Variants in WDR25 observed in about 807,000 individuals in gnomAD.
The protein encoded by WDR25 is WD repeat-containing protein 25.
A neutral mutation model predicts 47.7 loss-of-function variants in WDR25; 35 were observed. The observed-to-expected ratio is 0.73, with a 90% CI of 0.56 to 0.97. The LOEUF (loss-of-function observed/expected upper bound fraction) is 0.97, where lower values mean the gene tolerates loss of function less well. WDR25 is among the 50% of genes least tolerant of loss of function. WDR25 has a pLI of 0.00. For missense variants in WDR25, 634 were observed against 704.7 expected (o/e 0.90, Z 1.14); for synonymous variants, 248 against 278.9 (o/e 0.89, Z 1.10).
intron 2 of WDR25, among the ~76,000 whole-genome samples, chr14:100,448,436 C>T (rs1898912031): frequency 6.6e-6 from 1 of 152,100 alleles, no homozygotes; most frequent in African/African-American, 2.4e-5. Context: ...CACCTGGGCC[C>T]CAGGTGAGAA....
rs558805195 is a variant in WDR25, at chr14:100,427,997, C to G, written c.823-40024C>G. Among the ~76,000 whole-genome samples the G allele has an allele frequency of 8.5e-5, 13 of 152,348 alleles. No homozygotes were observed. The East Asian group carries it at 2.5e-3, about 29-fold the overall frequency. On this transcript the variant is annotated intron_variant, in intron 2 of 6. Transcript: ENST00000402312. The stretch of plus-strand genomic sequence containing the variant: ...CGACTGCCGTGCCCTCAGGCTGAGG[C>G]TCCTTCTACGAGGCTGGAAGCCTTT...
chr14:100,485,127 C>T (rs1463068283), intron 4 of WDR25, among the ~76,000 whole-genome samples: 4 of 152,154 alleles, frequency 2.6e-5, no homozygotes, highest in Non-Finnish European at 4.4e-5. Context: ...GCCTTTGCAC[C>T]TGCTGCTCCC....
chr14:100,493,817 A>C (rs1324826647), intron 4 of WDR25, among the ~76,000 whole-genome samples: 2 of 152,160 alleles, frequency 1.3e-5, no homozygotes, highest in Non-Finnish European at 2.9e-5. Flanking sequence ...ATTGGGTGGT[A>C]ATTAGGACAT....
At position 100,530,243 on chromosome 14, in the gene WDR25, G is replaced by A. The variant is rs970776178; in HGVS notation, c.*202G>A. ...AGGACTACACTAGTGAAAGCGCCTG[G>A]CGGGCAGCCGGCGATGCCCAATAAA... is the stretch of plus-strand genomic sequence containing the variant. On this transcript the variant is annotated 3_prime_UTR_variant, in exon 7 of 7. Transcript: ENST00000402312. The A allele has an allele frequency of 6.9e-5, 40 of 579,310 alleles. No individual in the cohort carries two copies. Among genetic ancestry groups the A allele is most frequent in the Non-Finnish European group, 2.1e-5 (7 of 334,790 alleles). The allele number at this position is 579,310 out of a possible 1,614,324, so 35.9% of individuals were successfully genotyped here.
chr14:100,480,052 G>A (rs570451065), intron 3 of WDR25, among the ~76,000 whole-genome samples: 3 of 152,250 alleles, frequency 2.0e-5, no homozygotes, highest in South Asian at 2.1e-4. Flanking sequence ...GGACTGCTTC[G>A]TATCAATTCC....
intron 2 of WDR25, among the ~76,000 whole-genome samples, chr14:100,440,000 A>G (rs930791196): frequency 2.0e-5 from 3 of 152,206 alleles, no homozygotes; most frequent in African/African-American, 7.2e-5. Flanking sequence ...GTTCAGGTCC[A>G]CTTGTCAAGG....
At chr14:100,461,830 G>A (rs1175918794) in intron 2 of WDR25, among the ~76,000 whole-genome samples, 1 of 152,136 alleles carries the variant, frequency 6.6e-6, no homozygotes, top group Admixed American at 6.5e-5. Context: ...CACGAGGGAG[G>A]CGAAGGCTTA....
intron 4 of WDR25, among the ~76,000 whole-genome samples, chr14:100,509,176 AT>A (rs1449372042): frequency 6.6e-6 from 1 of 152,220 alleles, no homozygotes; most frequent in Admixed American, 6.5e-5. Flanking sequence ...GTTTGATAGA[AT>A]TCAGCAGTGA....
rs150204381 is a variant in WDR25, at chr14:100,408,839, T to G, written c.822+27093T>G. On this transcript the variant is annotated intron_variant, in intron 2 of 6. Coordinates refer to ENST00000402312, the MANE Select transcript of WDR25 (RefSeq NM_001161476.3). ...ATTATTTTCCCTTTAGTAATGTTTATTTTATTCTGATTATTAAAATAATGT... is the reference window on the plus strand; with the variant it reads ...ATTATTTTCCCTTTAGTAATGTTTAGTTTATTCTGATTATTAAAATAATGT... Among the ~76,000 whole-genome samples the G allele has an allele frequency of 3.7e-3, 557 of 152,358 alleles. 2 individuals carry two copies. Among genetic ancestry groups the G allele is most frequent in the Middle Eastern group, 0.01 (3 of 294 alleles).
At chr14:100,480,930 G>A (rs1429699683) in intron 3 of WDR25, 5 of 387,928 alleles carry the variant, frequency 1.3e-5, no homozygotes, top group African/African-American at 8.6e-5. Flanking sequence ...CACCTGGCAT[G>A]CACCCTCCCC....
intron 2 of WDR25, among the ~76,000 whole-genome samples, chr14:100,416,935 GAGT>G (rs942077983): frequency 5.3e-5 from 8 of 152,234 alleles, no homozygotes; most frequent in Non-Finnish European, 8.8e-5. Flanking sequence ...TTCCCAGGGA[GAGT>G]CACCCTCACA....
rs374055826 is a variant in WDR25 at position 100,387,345 on chromosome 14, G to A, written c.822+5599G>A. ...GTCTCTATGCACACGTTTTTAAAGC[G>A]TTTCAATCTCAGTGTTCTTGAGATA... On this transcript the variant is annotated intron_variant, in intron 2 of 6. Transcript: ENST00000402312. Among the ~76,000 whole-genome samples the A allele has an allele frequency of 1.6e-3, 238 of 152,166 alleles. 3 individuals carry two copies. The highest frequency in any genetic ancestry group is 5.4e-3 in the African/African-American group (224 of 41,526).
chr14:100,381,306 C>A lies in WDR25; in HGVS notation c.382C>A (p.Pro128Thr), dbSNP rs149604929. ...GAGCCATGTTCCAGCCAGCCACATG[C>A]CCCTGGCAGCTGCCCGCTTTAAGCA... is the stretch of plus-strand genomic sequence containing the variant. ...WTSHVPASHM[P>T]LAAARFKQVK... The change falls in exon 2 of 7, where the codon CCC becomes ACC. Residue 128 changes from proline (P) to threonine (T), a missense_variant. Coordinates refer to ENST00000402312, the MANE Select transcript of WDR25 (RefSeq NM_001161476.3). 1.9e-6 allele frequency: 3 copies of A among 1,614,208 alleles called. No individual in the cohort carries two copies. The highest frequency in any genetic ancestry group is 4.5e-5 in the East Asian group (2 of 44,882).
In WDR25 at chr14:100,488,604, G is replaced by T. The variant is rs1487827850; in HGVS notation, c.1101+4480G>T. Among the ~76,000 whole-genome samples, 3 of 152,130 alleles carry T rather than the reference G, an allele frequency of 2.0e-5. No individual in the cohort carries two copies. Among genetic ancestry groups the T allele is most frequent in the Non-Finnish European group, 4.4e-5 (3 of 68,022 alleles). ...CTCACCTGTGTAGGAGAGCACCTGG[G>T]CTCTTGTTAGGATGCAGATTCTGTT... is the stretch of plus-strand genomic sequence containing the variant. On this transcript the variant is annotated intron_variant, in intron 4 of 6. Transcript: ENST00000402312. This position sits in a 1 kb window ranked among gnomAD's most constrained non-coding sequence, Gnocchi z 4.2.
At chr14:100,492,572 TATG>T (rs1172744917) in intron 4 of WDR25, among the ~76,000 whole-genome samples, 2 of 152,252 alleles carry the variant, frequency 1.3e-5, no homozygotes, top group African/African-American at 2.4e-5. Flanking sequence ...ATTCTATAAA[TATG>T]ATGTTTCTGT....
At chr14:100,420,640 CT>C (rs574038037) in intron 2 of WDR25, among the ~76,000 whole-genome samples, 44 of 152,256 alleles carry the variant, frequency 2.9e-4, no homozygotes, top group African/African-American at 9.4e-4. Context: ...TTAAAATCTT[CT>C]TATAGTAATA....
intron 4 of WDR25, among the ~76,000 whole-genome samples, chr14:100,517,842 T>TCAAA (rs1050231716): frequency 3.3e-5 from 5 of 152,154 alleles, no homozygotes; most frequent in African/African-American, 1.2e-4. Flanking sequence ...AGACGCCGTC[T>TCAAA]CAAACAAACA....
chr14:100,462,545 G>A (rs1199266240), intron 2 of WDR25, among the ~76,000 whole-genome samples: 4 of 152,174 alleles, frequency 2.6e-5, no homozygotes, highest in Non-Finnish European at 5.9e-5. Context: ...AGATGCTGTC[G>A]TTGTCTGTGC....
intron 1 of WDR25, among the ~76,000 whole-genome samples, chr14:100,378,152 T>C (rs1208569020): frequency 6.8e-6 from 1 of 147,156 alleles, no homozygotes; most frequent in African/African-American, 2.5e-5. Flanking sequence ...TTGTGTATGA[T>C]GGTTCAGAAT....
Sources: gnomAD v4.1 joint callset for allele counts (sites outside exome capture counted in the v4.1 genomes callset) on GRCh38, gnomAD v4.1.1 for gene constraint, Gnocchi (gnomAD v3.1) non-coding constraint, MANE v1.5 for transcripts, NCBI Gene and HGNC (gene_info 2026-07-23, HGNC 2026-07-21) for gene names.